The following PLPPR5 variants were observed in gnomAD, a reference collection of about 807,000 sequenced individuals.
PLPPR5 encodes the protein phospholipid phosphatase-related protein type 5.
Under a neutral mutation model 33.9 loss-of-function variants are expected in PLPPR5, and 16 were observed. The observed-to-expected ratio is 0.47, with a 90% CI of 0.32 to 0.72. PLPPR5 has a LOEUF of 0.72. PLPPR5 is among the 30% of genes least tolerant of loss of function. The probability of loss-of-function intolerance (pLI) is 0.03; values close to 1 mark genes in which losing one functional copy is unlikely to be tolerated. For synonymous variants in PLPPR5, 163 were observed against 150.3 expected, an observed-to-expected ratio of 1.08 and a Z score of -0.62; for missense variants, 301 against 406.7, an observed-to-expected ratio of 0.74 and a Z score of 2.23.
chr1:98,999,746 T>C (rs1464255557), intron 1 of PLPPR5, among the ~76,000 whole-genome samples: 2 of 152,224 alleles, frequency 1.3e-5, no homozygotes, highest in Non-Finnish European at 2.9e-5. Flanking sequence ...TTCTATCATC[T>C]ATCTGTACCA....
chr1:98,901,418 G>C (rs76594170), intron 5 of PLPPR5, among the ~76,000 whole-genome samples: 4,520 of 152,012 alleles, frequency 0.03, 111 homozygotes, highest in African/African-American at 0.056. Flanking sequence ...AAAGCTATAC[G>C]CCAAGGAAGG....
chr1:98,956,708 G>C lies in PLPPR5; in HGVS notation c.271C>G (p.Gln91Glu), dbSNP rs1242969646. 1 of 1,586,190 alleles carries C rather than the reference G, an allele frequency of 6.3e-7. No homozygotes were observed. Among genetic ancestry groups the C allele is most frequent in the Non-Finnish European group, 8.6e-7 (1 of 1,169,480 alleles). Reference sequence around the variant, plus strand: ...TTTTCAAAATCCCTTGTGGCTAGTTGTAGGCAAAAGACAGCAGTTTCTCCA... The same window carrying C: ...TTTTCAAAATCCCTTGTGGCTAGTTCTAGGCAAAAGACAGCAGTTTCTCCA... The part of the protein sequence containing the change: ...IVGETAVFCL[Q>E]LATRDFENQE... The change falls in exon 2 of 6, where the codon CAA (glutamine) becomes GAA (glutamate). Residue 91 changes from glutamine to glutamate, a missense_variant. Coordinates refer to ENST00000263177, the MANE Select transcript of PLPPR5 (RefSeq NM_001037317.2).
intron 5 of PLPPR5, among the ~76,000 whole-genome samples, chr1:98,900,335 C>T (rs909171025): frequency 2.6e-5 from 4 of 152,070 alleles, no homozygotes; most frequent in Non-Finnish European, 5.9e-5. Flanking sequence ...CCTCACTTGG[C>T]TCATGGTCCT....
Position 99,004,852 on chromosome 1 carries a change from C to A in PLPPR5, c.-181G>T, listed in dbSNP as rs1313976115. The A allele has an allele frequency of 3.8e-6, 1 of 266,024 alleles. No homozygotes were observed. Among genetic ancestry groups the A allele is most frequent in the Non-Finnish European group, 6.8e-6 (1 of 147,036 alleles). 16.5% of individuals were successfully genotyped at this position (266,024 alleles called of 1,614,324 possible). ...GGAGGCAGGTCCGGGCTTCGAGGCGCCGGCAGGCTGCAGAGGAGGCGGCTA... is the reference window on the plus strand; with the variant it reads ...GGAGGCAGGTCCGGGCTTCGAGGCGACGGCAGGCTGCAGAGGAGGCGGCTA... On this transcript the variant is annotated 5_prime_UTR_variant, in exon 1 of 6. Coordinates refer to ENST00000263177, the MANE Select transcript of PLPPR5 (RefSeq NM_001037317.2).
intron 1 of PLPPR5, 127 bp from the exon 2 acceptor site, chr1:98,956,868 T>A: frequency 4.2e-6 from 3 of 707,146 alleles, no homozygotes; most frequent in Non-Finnish European, 6.3e-6. Flanking sequence ...AACAGAGCCA[T>A]AATCGATTTC....
intron 1 of PLPPR5, among the ~76,000 whole-genome samples, chr1:98,971,969 C>T (rs1451455927): frequency 6.6e-6 from 1 of 152,022 alleles, no homozygotes; most frequent in Admixed American, 6.6e-5. Context: ...AATTCAGAGG[C>T]TTGAATGAGC....
At chr1:98,893,618 C>T (rs1389879046) in intron 5 of PLPPR5, among the ~76,000 whole-genome samples, 4 of 90,072 alleles carry the variant, frequency 4.4e-5, no homozygotes, top group African/African-American at 1.2e-4. Context: ...TTCACAGCGC[C>T]TTTTTTTTTT....
intron 1 of PLPPR5, among the ~76,000 whole-genome samples, chr1:98,985,596 G>A (rs12082818): frequency 6.6e-6 from 1 of 151,932 alleles, no homozygotes; most frequent in African/African-American, 2.4e-5. Flanking sequence ...GCAATTTCCA[G>A]TCCTGCAAAC....
chr1:98,929,670 A>G lies in PLPPR5; in HGVS notation c.622-7612T>C, dbSNP rs563959029. On this transcript the variant is annotated intron_variant, in intron 3 of 5. Transcript: ENST00000263177. ...TTTGGTTATGAATAACAGCTCCTTC[A>G]TCACAGACACATTTACCTAATCCCT... is the stretch of plus-strand genomic sequence containing the variant. 4.6e-5 allele frequency among the ~76,000 whole-genome samples: 7 copies of G among 152,348 alleles called. No individual in the cohort carries two copies. In the South Asian group the frequency reaches 1.5e-3, roughly 32 times the overall value.
intron 1 of PLPPR5, among the ~76,000 whole-genome samples, chr1:98,991,511 A>C (rs1652450365): frequency 6.6e-6 from 1 of 152,178 alleles, no homozygotes; most frequent in South Asian, 2.1e-4. Context: ...AACATAAGAC[A>C]TCTTGTGTAC....
At chr1:98,969,969 G>A (rs1329275656) in intron 1 of PLPPR5, among the ~76,000 whole-genome samples, 1 of 151,994 alleles carries the variant, frequency 6.6e-6, no homozygotes, top group Non-Finnish European at 1.5e-5. Context: ...AGCAGAAACA[G>A]TATTCCTTGC....
intron 4 of PLPPR5, among the ~76,000 whole-genome samples, chr1:98,916,011 T>G (rs968675031): frequency 1.1e-4 from 16 of 152,224 alleles, no homozygotes; most frequent in Admixed American, 2.0e-4. Flanking sequence ...AACCTAACAT[T>G]CATTTTGTAA....
chr1:98,994,710 G>A (rs1652570941), intron 1 of PLPPR5, among the ~76,000 whole-genome samples: 1 of 152,026 alleles, frequency 6.6e-6, no homozygotes, highest in African/African-American at 2.4e-5. Flanking sequence ...TATCAGAAAG[G>A]TCCCACTCCA....
chr1:98,968,208 T>C (rs967531355), intron 1 of PLPPR5, among the ~76,000 whole-genome samples: 1 of 119,392 alleles, frequency 8.4e-6, no homozygotes, highest in Non-Finnish European at 1.9e-5. Flanking sequence ...TCATGTTATA[T>C]ACTTATAGTT....
intron 5 of PLPPR5, among the ~76,000 whole-genome samples, chr1:98,900,193 A>C (rs901630643): frequency 6.6e-6 from 1 of 151,918 alleles, no homozygotes; most frequent in Non-Finnish European, 1.5e-5. Context: ...CTCCTTCTGG[A>C]CCCTACAGTT....
At chr1:98,926,528 C>T (rs1042136707) in intron 3 of PLPPR5, among the ~76,000 whole-genome samples, 5 of 148,568 alleles carry the variant, frequency 3.4e-5, no homozygotes, top group Non-Finnish European at 1.5e-5. Context: ...ATTGGTCAAA[C>T]TGTGTTTGTG....
chr1:98,928,548 CATAT>C lies in PLPPR5; in HGVS notation c.622-6494_622-6491del, dbSNP rs60624111. Among the ~76,000 whole-genome samples, 60 of 73,876 alleles carry C rather than the reference CATAT, an allele frequency of 8.1e-4. 6 individuals are homozygous for C. Among genetic ancestry groups the C allele is most frequent in the Middle Eastern group, 8.8e-3 (1 of 114 alleles). The allele number at this position is 73,876 out of a possible 152,430, so 48.5% of individuals were successfully genotyped here. A position where few individuals can be genotyped will look rare whatever the true frequency, so the allele number is the denominator to read the frequency against. ...AAAAAACTATTAGAAAGTTTTAAAT[CATAT>C]ATATATATATATATATATATGGTTC... On this transcript the variant is annotated intron_variant, in intron 3 of 5. Coordinates refer to ENST00000263177, the MANE Select transcript of PLPPR5 (RefSeq NM_001037317.2).
chr1:98,902,843 C>G (rs1648747415), intron 5 of PLPPR5, among the ~76,000 whole-genome samples: 1 of 152,028 alleles, frequency 6.6e-6, no homozygotes, highest in African/African-American at 2.4e-5. Flanking sequence ...TATATTTATT[C>G]ACATAAATCA....
chr1:98,921,737 AAATGATTTGTTTTATATACTTAAATG>A (rs1649560600), intron 4 of PLPPR5, 119 bp downstream of exon 4: 1 of 644,258 alleles, frequency 1.6e-6, no homozygotes, highest in African/African-American at 1.8e-5. Context: ...TGAATGACTT[AAATGATTTGTTTTATATACTTAAATG>A]AATGATTTGT....
Sources: gnomAD v4.1 joint callset for allele counts (sites outside exome capture counted in the v4.1 genomes callset) on GRCh38, gnomAD v4.1.1 for gene constraint, MANE v1.5 for transcripts, NCBI Gene and HGNC (gene_info 2026-07-23, HGNC 2026-07-21) for gene names.